NELL1: variants seen among roughly 807,000 people sequenced by gnomAD.
NELL1 encodes the protein protein kinase C-binding protein NELL1.
Under a neutral mutation model 107.4 loss-of-function variants are expected in NELL1, and 76 were observed. That is an observed-to-expected ratio of 0.71 (90% CI 0.59 to 0.86). The LOEUF (loss-of-function observed/expected upper bound fraction) is 0.86, where lower values mean the gene tolerates loss of function less well. NELL1 is among the 40% of genes least tolerant of loss of function. NELL1 has a pLI of 0.00. For missense variants in NELL1, 1,024 were observed against 1,005.5 expected (o/e 1.02, Z -0.25); for synonymous variants, 353 against 341.2 (o/e 1.03, Z -0.38).
At position 21,298,769 on chromosome 11, in the gene NELL1, G is replaced by T. The variant is rs529206726; in HGVS notation, c.1549+69315G>T. Among the ~76,000 whole-genome samples the T allele has an allele frequency of 1.8e-4, 27 of 152,010 alleles. 1 individual carries two copies. Among genetic ancestry groups the T allele is most frequent in the Admixed American group, 1.6e-3 (24 of 15,238 alleles). On this transcript the variant is annotated intron_variant, in intron 14 of 19. Transcript: ENST00000357134. ...GGTCAAAATATTTGCATGCCCCTCA[G>T]GTTCAAGTAAATAAACAGCAGCAGC...
intron 14 of NELL1, among the ~76,000 whole-genome samples, chr11:21,353,430 C>A (rs549844549): frequency 1.3e-5 from 2 of 152,250 alleles, no homozygotes; most frequent in South Asian, 4.1e-4. Context: ...TGATTAAATC[C>A]AGATTTGTCT....
intron 13 of NELL1, among the ~76,000 whole-genome samples, chr11:21,177,309 C>T (rs2133819674): frequency 6.6e-6 from 1 of 151,854 alleles, no homozygotes; most frequent in Admixed American, 6.6e-5. Flanking sequence ...TTACTCCCTA[C>T]ATCTATGAGT....
At chr11:21,106,777 T>C (rs982587291) in intron 12 of NELL1, among the ~76,000 whole-genome samples, 3 of 152,056 alleles carry the variant, frequency 2.0e-5, no homozygotes, top group African/African-American at 4.8e-5. Context: ...CATTTGTTTT[T>C]CCCCCCTTGC....
chr11:21,114,871 A>G (rs1191351670), intron 13 of NELL1, among the ~76,000 whole-genome samples: 4 of 152,186 alleles, frequency 2.6e-5, no homozygotes, highest in African/African-American at 9.6e-5. Flanking sequence ...ACTTTCTAAA[A>G]AGCTGTAAAG....
chr11:21,349,807 C>T (rs1220403297), intron 14 of NELL1, among the ~76,000 whole-genome samples: 2 of 152,010 alleles, frequency 1.3e-5, no homozygotes, highest in African/African-American at 2.4e-5. Flanking sequence ...GTCTGAGATC[C>T]TAGATAGGTC....
chr11:20,693,412 C>T (rs1420049913), intron 2 of NELL1, among the ~76,000 whole-genome samples: 3 of 152,092 alleles, frequency 2.0e-5, no homozygotes, highest in Non-Finnish European at 4.4e-5. Context: ...CATGATTTTG[C>T]AGCAGCTGGT....
chr11:21,314,003 C>G lies in NELL1; in HGVS notation c.1550-56850C>G, dbSNP rs1053347260. 2.3e-4 allele frequency among the ~76,000 whole-genome samples: 26 copies of G among 113,618 alleles called. 2 individuals are homozygous for G. Among genetic ancestry groups the G allele is most frequent in the South Asian group, 2.0e-3 (5 of 2,456 alleles). 74.5% of individuals were successfully genotyped at this position (113,618 alleles called of 152,430 possible). A position where few individuals can be genotyped will look rare whatever the true frequency, so the allele number is the denominator to read the frequency against. On this transcript the variant is annotated intron_variant, in intron 14 of 19. Coordinates refer to ENST00000357134, the MANE Select transcript of NELL1 (RefSeq NM_006157.5). ...GGAACCTACACTCTGCCCCCCCCCC[C>G]CCCCCCGCGACCCCCACTTGCTCCT...
intron 12 of NELL1, among the ~76,000 whole-genome samples, chr11:21,063,045 A>G (rs1853780395): frequency 6.6e-6 from 1 of 151,462 alleles, no homozygotes. Context: ...ATGAGGTTTC[A>G]CCATGTTGGC....
At chr11:20,817,418 T>C (rs757382132) in intron 3 of NELL1, among the ~76,000 whole-genome samples, 3 of 152,202 alleles carry the variant, frequency 2.0e-5, no homozygotes, top group African/African-American at 7.2e-5. Context: ...TTCGAGTTCG[T>C]GTGCATAAAG....
intron 14 of NELL1, among the ~76,000 whole-genome samples, chr11:21,316,705 G>A (rs1379306378): frequency 1.3e-5 from 2 of 152,118 alleles, no homozygotes; most frequent in African/African-American, 2.4e-5. Context: ...ATGTAAGTGG[G>A]GAAACTTTTA....
intron 12 of NELL1, among the ~76,000 whole-genome samples, chr11:21,068,818 C>A (rs1222556691): frequency 2.6e-5 from 4 of 152,106 alleles, no homozygotes; most frequent in Non-Finnish European, 4.4e-5. Flanking sequence ...TTTTGAATAC[C>A]TAAAGTTTGC....
chr11:21,028,502 G>A (rs867762309), intron 12 of NELL1, among the ~76,000 whole-genome samples: 3 of 152,060 alleles, frequency 2.0e-5, no homozygotes, highest in African/African-American at 7.2e-5. Flanking sequence ...GCCCACTGAC[G>A]AAATGAAAAG....
intron 12 of NELL1, among the ~76,000 whole-genome samples, chr11:21,020,334 G>A (rs1045940229): frequency 3.3e-5 from 5 of 152,016 alleles, no homozygotes; most frequent in East Asian, 1.9e-4. Flanking sequence ...CAGACACAGC[G>A]TTGAGCAGTG....
chr11:21,010,238 G>A (rs1312711615), intron 12 of NELL1, among the ~76,000 whole-genome samples: 2 of 151,938 alleles, frequency 1.3e-5, no homozygotes, highest in African/African-American at 2.4e-5. Context: ...TTCTTAAGTT[G>A]CTTCTACTGT....
intron 15 of NELL1, among the ~76,000 whole-genome samples, chr11:21,481,063 T>G (rs1232344324): frequency 6.6e-6 from 1 of 152,196 alleles, no homozygotes; most frequent in Non-Finnish European, 1.5e-5. Context: ...CAAAGGCCAT[T>G]GTACATATTT....
intron 4 of NELL1, among the ~76,000 whole-genome samples, chr11:20,873,662 A>G (rs1376847423): frequency 6.6e-6 from 1 of 152,226 alleles, no homozygotes; most frequent in Non-Finnish European, 1.5e-5. Context: ...CCAAGTCACA[A>G]AACATAAAAG....
chr11:21,040,833 T>TACACATC (rs1853211349), intron 12 of NELL1, among the ~76,000 whole-genome samples: 1 of 152,194 alleles, frequency 6.6e-6, no homozygotes, highest in African/African-American at 2.4e-5. Flanking sequence ...ACATCCTGTT[T>TACACATC]GTAGCATGAA....
At chr11:21,204,971 C>G (rs185074528) in intron 13 of NELL1, among the ~76,000 whole-genome samples, 2 of 152,272 alleles carry the variant, frequency 1.3e-5, no homozygotes, top group East Asian at 3.9e-4. Context: ...CTGCGTGTTC[C>G]TTCCTCTGGA....
intron 14 of NELL1, among the ~76,000 whole-genome samples, chr11:21,286,197 C>A (rs955583602): frequency 6.6e-6 from 1 of 152,124 alleles, no homozygotes; most frequent in African/African-American, 2.4e-5. Flanking sequence ...AAAGTCAGGG[C>A]CAGGATTTGG....
Sources: gnomAD v4.1 joint callset for allele counts (sites outside exome capture counted in the v4.1 genomes callset) on GRCh38, gnomAD v4.1.1 for gene constraint, MANE v1.5 for transcripts, NCBI Gene and HGNC (gene_info 2026-07-23, HGNC 2026-07-21) for gene names.